NR2C2: variants seen among roughly 807,000 people sequenced by gnomAD.
The protein encoded by NR2C2 is Nuclear hormone receptor TR4.
A neutral mutation model predicts 62.9 loss-of-function variants in NR2C2; 6 were observed. The observed-to-expected ratio is 0.10, with a 90% CI of 0.05 to 0.19. The LOEUF (loss-of-function observed/expected upper bound fraction) is 0.19, where lower values mean the gene tolerates loss of function less well. Ranked by LOEUF, NR2C2 falls within the 10% of genes least tolerant of loss-of-function variation. The pLI is 1.00. For synonymous variants in NR2C2, 272 were observed against 273.8 expected (o/e 0.99, Z 0.07); for missense variants, 479 against 762.7 (o/e 0.63, Z 4.38).
chr3:15,029,876 AAAAGAGAAAGAGAC>A (rs985995470), intron 8 of NR2C2, among the ~76,000 whole-genome samples: 3 of 152,060 alleles, frequency 2.0e-5, no homozygotes, highest in Admixed American at 6.6e-5. Flanking sequence ...GAGAGAAAGA[AAAAGAGAAAGAGAC>A]AAAGAGAAAA....
chr3:15,043,444 A>G lies in NR2C2; in HGVS notation c.*436A>G, dbSNP rs779158053. ...ATTAGCACTTTCTAAGCACTTATCA[A>G]TGTGTAACGTTAGCAACATCTTGCC... On this transcript the variant is annotated 3_prime_UTR_variant, in exon 14 of 14. Coordinates refer to ENST00000425241, the MANE Select transcript of NR2C2 (RefSeq NM_001291694.2). The G allele has an allele frequency of 3.3e-5, 5 of 152,966 alleles. No homozygotes were observed. The highest frequency in any genetic ancestry group is 5.9e-5 in the Non-Finnish European group (4 of 68,246). 9.5% of individuals were successfully genotyped at this position (152,966 alleles called of 1,614,324 possible).
At chr3:15,020,561 G>A (rs920875847) in intron 4 of NR2C2, among the ~76,000 whole-genome samples, 192 bp from the exon 5 acceptor site, 1 of 152,216 alleles carries the variant, frequency 6.6e-6, no homozygotes, top group African/African-American at 2.4e-5. Context: ...AAGGCTACTT[G>A]AAAGATGGTA....
At chr3:14,998,553 T>G (rs2040896011) in intron 1 of NR2C2, among the ~76,000 whole-genome samples, 1 of 152,246 alleles carries the variant, frequency 6.6e-6, no homozygotes, top group African/African-American at 2.4e-5. Flanking sequence ...ATTGGCCATT[T>G]GTATATCTTC....
chr3:14,958,758 T>A (rs149731990), intron 1 of NR2C2, among the ~76,000 whole-genome samples: 2,409 of 152,258 alleles, frequency 0.016, 68 homozygotes, highest in African/African-American at 0.054. Flanking sequence ...CAGGCAGATC[T>A]CGAGGTCAGG....
At chr3:14,981,272 G>C (rs984847075) in intron 1 of NR2C2, among the ~76,000 whole-genome samples, 1 of 152,096 alleles carries the variant, frequency 6.6e-6, no homozygotes, top group African/African-American at 2.4e-5. Flanking sequence ...TTCAAGACCA[G>C]ACCGGACAAT....
intron 1 of NR2C2, among the ~76,000 whole-genome samples, chr3:14,963,443 C>G (rs1196011610): frequency 2.0e-5 from 3 of 152,140 alleles, no homozygotes; most frequent in African/African-American, 7.2e-5. Context: ...AACCAGGAGC[C>G]AAAAGGTTGA....
intron 4 of NR2C2, among the ~76,000 whole-genome samples, chr3:15,017,205 T>G (rs563256323): frequency 6.6e-6 from 1 of 152,152 alleles, no homozygotes; most frequent in Non-Finnish European, 1.5e-5. Flanking sequence ...AGCTCCAGTT[T>G]CCCTTCCATG....
Position 15,023,986 on chromosome 3 carries a change from C to T in NR2C2, c.705-129C>T, listed in dbSNP as rs150174863. 444 of 676,378 alleles carry T rather than the reference C, an allele frequency of 6.6e-4. 2 individuals are homozygous for T. In the African/African-American group the frequency reaches 7.5e-3, roughly 11 times the overall value. 41.9% of individuals were successfully genotyped at this position (676,378 alleles called of 1,614,324 possible). A position where few individuals can be genotyped will look rare whatever the true frequency, so the allele number is the denominator to read the frequency against. ...GGGGTTCTGCTTAGTCACTAAGCGG[C>T]TGAGTCTACTTAGAGCTTTTCTACT... On this transcript the variant is annotated intron_variant, in intron 6 of 13. Coordinates refer to ENST00000425241, the MANE Select transcript of NR2C2 (RefSeq NM_001291694.2).
chr3:14,979,760 T>G (rs894210492), intron 1 of NR2C2, among the ~76,000 whole-genome samples: 1 of 151,926 alleles, frequency 6.6e-6, no homozygotes, highest in Non-Finnish European at 1.5e-5. Flanking sequence ...AGGAAGAAGG[T>G]CATAGGAGAT....
intron 1 of NR2C2, among the ~76,000 whole-genome samples, chr3:14,964,334 T>C (rs1361297134): frequency 6.6e-6 from 1 of 152,156 alleles, no homozygotes; most frequent in African/African-American, 2.4e-5. Flanking sequence ...ATGGCAGTCA[T>C]GGTGGTGAAT....
rs1190455673 is a variant in NR2C2, at chr3:15,044,989, A to G, written c.*1981A>G. 5 of 152,242 alleles carry G rather than the reference A, an allele frequency of 3.3e-5. No individual in the cohort carries two copies. The highest frequency in any genetic ancestry group is 9.7e-5 in the African/African-American group (4 of 41,450). 9.4% of individuals were successfully genotyped at this position (152,242 alleles called of 1,614,324 possible). Reference sequence around the variant, plus strand: ...GAGAGTAGTGGGAGTGGCCATTATAAAATGATGGAAAGGATTTAATTTTGC... The same window carrying G: ...GAGAGTAGTGGGAGTGGCCATTATAGAATGATGGAAAGGATTTAATTTTGC... On this transcript the variant is annotated 3_prime_UTR_variant, in exon 14 of 14. Coordinates refer to ENST00000425241, the MANE Select transcript of NR2C2 (RefSeq NM_001291694.2).
At chr3:14,977,375 A>G (rs1397024015) in intron 1 of NR2C2, among the ~76,000 whole-genome samples, 1 of 152,234 alleles carries the variant, frequency 6.6e-6, no homozygotes, top group Non-Finnish European at 1.5e-5. Flanking sequence ...ACATTGTGGC[A>G]GATGGCTTTC....
chr3:14,960,485 A>C (rs562183478), intron 1 of NR2C2, among the ~76,000 whole-genome samples: 32 of 152,326 alleles, frequency 2.1e-4, no homozygotes, highest in African/African-American at 7.7e-4. Context: ...CTATTAAATC[A>C]GATTGTCATC....
intron 1 of NR2C2, among the ~76,000 whole-genome samples, chr3:14,989,685 C>A (rs960361575): frequency 6.6e-6 from 1 of 150,556 alleles, no homozygotes; most frequent in African/African-American, 2.4e-5. Flanking sequence ...GTAATCCCAA[C>A]GCTTTGGGAA....
intron 13 of NR2C2, among the ~76,000 whole-genome samples, chr3:15,040,297 A>G (rs949724525): frequency 6.6e-6 from 1 of 152,254 alleles, no homozygotes; most frequent in Non-Finnish European, 1.5e-5. Context: ...CTTTCCTATG[A>G]CAACTTCTGA....
rs2042453641 is a variant in NR2C2, at chr3:15,046,410, G to A, written c.*3402G>A. Reference sequence around the variant, plus strand: ...CACGCTACACACATACTTATTAGCTGTCTTACTTGTTTGGGGGATAGTTAC... The same window carrying A: ...CACGCTACACACATACTTATTAGCTATCTTACTTGTTTGGGGGATAGTTAC... On this transcript the variant is annotated 3_prime_UTR_variant, in exon 14 of 14. Coordinates refer to ENST00000425241, the MANE Select transcript of NR2C2 (RefSeq NM_001291694.2). The A allele has an allele frequency of 6.6e-6, 1 of 152,234 alleles. No homozygotes were observed. The highest frequency in any genetic ancestry group is 2.4e-5 in the African/African-American group (1 of 41,462). The allele number at this position is 152,234 out of a possible 1,614,324, so 9.4% of individuals were successfully genotyped here.
chr3:15,027,923 A>G (rs976617355), intron 7 of NR2C2, among the ~76,000 whole-genome samples: 4 of 151,732 alleles, frequency 2.6e-5, no homozygotes, highest in Non-Finnish European at 4.4e-5. Flanking sequence ...CAGTGGCACA[A>G]TCTCAGCTCA....
intron 9 of NR2C2, among the ~76,000 whole-genome samples, chr3:15,031,250 A>C (rs551455906): frequency 1.1e-4 from 16 of 152,320 alleles, no homozygotes; most frequent in South Asian, 1.0e-3. Flanking sequence ...TTAAGGCCTC[A>C]TGGGTGTTCC....
At chr3:14,964,714 G>A (rs951153812) in intron 1 of NR2C2, among the ~76,000 whole-genome samples, 6 of 150,798 alleles carry the variant, frequency 4.0e-5, no homozygotes, top group Admixed American at 2.6e-4. Context: ...TAGTAGAGAC[G>A]GGTTTCACCG....
Sources: gnomAD v4.1 joint callset for allele counts (sites outside exome capture counted in the v4.1 genomes callset) on GRCh38, gnomAD v4.1.1 for gene constraint, MANE v1.5 for transcripts, NCBI Gene and HGNC (gene_info 2026-07-23, HGNC 2026-07-21) for gene names.